Variants in ADAM18 observed in about 807,000 individuals in gnomAD.
ADAM18 encodes disintegrin and metalloproteinase domain-containing protein 18.
Under a neutral mutation model 94.4 loss-of-function variants are expected in ADAM18, and 117 were observed. The ratio of observed to expected loss-of-function variants is 1.24; its 90% confidence interval spans 1.07 to 1.45. ADAM18 has a LOEUF of 1.45. ADAM18 is among the 40% of genes most tolerant of loss of function. The pLI, the probability that ADAM18 is intolerant of heterozygous loss-of-function variation, is 0.00. For synonymous variants in ADAM18, 327 were observed against 291.6 expected, an observed-to-expected ratio of 1.12 and a Z score of -1.24; for missense variants, 936 against 880.0, an observed-to-expected ratio of 1.06 and a Z score of -0.81.
intron 12 of ADAM18, among the ~76,000 whole-genome samples, chr8:39,653,279 T>A (rs1399369222): frequency 2.0e-5 from 3 of 152,116 alleles, no homozygotes; most frequent in African/African-American, 7.2e-5. Flanking sequence ...ACATAACATT[T>A]TTATTTGTCG....
chr8:39,599,673 T>C (rs1221036929), intron 2 of ADAM18, among the ~76,000 whole-genome samples: 1 of 152,150 alleles, frequency 6.6e-6, no homozygotes, highest in African/African-American at 2.4e-5. Context: ...AAAAATGTCA[T>C]GTTTTTGATG....
At chr8:39,610,909 T>C (rs1819254519) in intron 6 of ADAM18, 5 of 1,224,446 alleles carry the variant, frequency 4.1e-6, no homozygotes, top group Non-Finnish European at 4.2e-6. Flanking sequence ...TGATGTATTA[T>C]GTAACATTAA....
intron 2 of ADAM18, among the ~76,000 whole-genome samples, chr8:39,586,864 A>G (rs988690924): frequency 2.0e-5 from 3 of 152,170 alleles, no homozygotes; most frequent in South Asian, 2.1e-4. Context: ...GTACATTGTC[A>G]TTGCATAATC....
intron 10 of ADAM18, among the ~76,000 whole-genome samples, chr8:39,640,815 A>T (rs1240395795): frequency 1.4e-5 from 2 of 147,746 alleles, no homozygotes; most frequent in African/African-American, 2.5e-5. Flanking sequence ...TTGGCCACAT[A>T]TTTTTTTTTT....
chr8:39,613,836 A>G (rs1819353804), intron 6 of ADAM18, among the ~76,000 whole-genome samples: 1 of 152,248 alleles, frequency 6.6e-6, no homozygotes, highest in Non-Finnish European at 1.5e-5. Flanking sequence ...TAGTACAATC[A>G]GAAGTATTAA....
chr8:39,633,403 A>G (rs1362607057), intron 7 of ADAM18, among the ~76,000 whole-genome samples: 4 of 152,228 alleles, frequency 2.6e-5, no homozygotes, highest in African/African-American at 7.2e-5. Flanking sequence ...TAAGAAGAGA[A>G]GTAGGGAAGT....
At chr8:39,592,703 G>A (rs1818608101) in intron 2 of ADAM18, among the ~76,000 whole-genome samples, 1 of 152,102 alleles carries the variant, frequency 6.6e-6, no homozygotes, top group Admixed American at 6.6e-5. Context: ...TGGGGGATGG[G>A]GACAGAATAC....
chr8:39,658,561 C>T (rs548789499), intron 12 of ADAM18, among the ~76,000 whole-genome samples: 19 of 152,174 alleles, frequency 1.2e-4, no homozygotes, highest in South Asian at 1.0e-3. Context: ...CAGAAAAGAA[C>T]GCAAGCCCAC....
At chr8:39,720,244 T>TA (rs1822709476) in intron 18 of ADAM18, among the ~76,000 whole-genome samples, 1 of 151,476 alleles carries the variant, frequency 6.6e-6, no homozygotes, top group African/African-American at 2.4e-5. Context: ...TATATAAGTA[T>TA]AAAAAATGAA....
intron 10 of ADAM18, among the ~76,000 whole-genome samples, chr8:39,642,062 T>C (rs1454200081): frequency 6.6e-6 from 1 of 152,186 alleles, no homozygotes; most frequent in Non-Finnish European, 1.5e-5. Flanking sequence ...ATTTCTTCTT[T>C]TGAAAAATGC....
At chr8:39,722,745 T>G (rs980245504) in intron 18 of ADAM18, among the ~76,000 whole-genome samples, 16 of 151,504 alleles carry the variant, frequency 1.1e-4, no homozygotes, top group African/African-American at 3.9e-4. Flanking sequence ...CAAGCCAAAA[T>G]GAAAGGGAAA....
At chr8:39,649,401 C>A (rs1820466688) in intron 12 of ADAM18, among the ~76,000 whole-genome samples, 1 of 150,996 alleles carries the variant, frequency 6.6e-6, no homozygotes, top group South Asian at 2.1e-4. Flanking sequence ...TATATGTTTC[C>A]AATTATCTCA....
At chr8:39,643,968 C>A (rs1280651017) in intron 10 of ADAM18, among the ~76,000 whole-genome samples, 1 of 151,766 alleles carries the variant, frequency 6.6e-6, no homozygotes, top group Non-Finnish European at 1.5e-5. Flanking sequence ...GACACTGTAA[C>A]TTTTAAGCAT....
intron 6 of ADAM18, among the ~76,000 whole-genome samples, chr8:39,614,111 T>G (rs2129578604): frequency 6.6e-6 from 1 of 152,202 alleles, no homozygotes; most frequent in Non-Finnish European, 1.5e-5. Flanking sequence ...TCATCCAAAT[T>G]TAGGAAATTC....
chr8:39,610,485 G>C, intron 5 of ADAM18, 44 bp from the exon 6 acceptor site: 1 of 1,541,286 alleles, frequency 6.5e-7, no homozygotes, highest in Non-Finnish European at 8.8e-7. Flanking sequence ...GGGATCATTT[G>C]TGAGATTTTT....
chr8:39,706,963 A>G (rs1005701506), intron 18 of ADAM18, 59 bp downstream of exon 18: 1 of 967,214 alleles, frequency 1.0e-6, no homozygotes, highest in African/African-American at 1.6e-5. Context: ...AAAGTTAATT[A>G]AACAAATCTA....
chr8:39,632,092 T>C (rs776165293), intron 7 of ADAM18, among the ~76,000 whole-genome samples: 1 of 151,942 alleles, frequency 6.6e-6, no homozygotes, highest in Non-Finnish European at 1.5e-5. Flanking sequence ...ACAATCATAT[T>C]ATTTATGAAT....
intron 2 of ADAM18, among the ~76,000 whole-genome samples, chr8:39,591,193 T>C (rs1221919032): frequency 1.3e-5 from 2 of 152,236 alleles, no homozygotes; most frequent in Non-Finnish European, 2.9e-5. Flanking sequence ...GGCTGCTGAC[T>C]GATCAGGGTG....
At chr8:39,689,035 C>T (rs1046427930) in intron 16 of ADAM18, among the ~76,000 whole-genome samples, 2 of 151,686 alleles carry the variant, frequency 1.3e-5, no homozygotes, top group African/African-American at 4.8e-5. Context: ...TGTTCATGTT[C>T]TTTGGCCACT....
Sources: allele counts gnomAD v4.1 joint callset (sites outside exome capture counted in the v4.1 genomes callset), GRCh38; gene constraint gnomAD v4.1.1; transcripts MANE v1.5; gene names NCBI Gene and HGNC (gene_info 2026-07-23, HGNC 2026-07-21).